Variants in CNOT8 observed in about 807,000 individuals in gnomAD.
CNOT8 encodes CCR4-NOT transcription complex subunit 8.
CNOT8 carries 18 observed loss-of-function variants against 34.6 expected under a neutral mutation model. The observed-to-expected ratio is 0.52, with a 90% CI of 0.36 to 0.77. CNOT8 has a LOEUF of 0.77. Ranked by LOEUF, CNOT8 falls within the 30% of genes least tolerant of loss-of-function variation. CNOT8 has a pLI of 0.00. For synonymous variants in CNOT8, 101 were observed against 118.8 expected, an observed-to-expected ratio of 0.85 and a Z score of 0.98; for missense variants, 189 against 347.9, an observed-to-expected ratio of 0.54 and a Z score of 3.63.
chr5:154,866,268 C>T (rs529048117), intron 3 of CNOT8, among the ~76,000 whole-genome samples: 53 of 152,270 alleles, frequency 3.5e-4, no homozygotes, highest in African/African-American at 1.3e-3. Context: ...CTTATCTGAT[C>T]CTCCCACGTC....
At chr5:154,871,596 T>G in intron 4 of CNOT8, 134 bp from the exon 5 acceptor site, 1 of 624,646 alleles carries the variant, frequency 1.6e-6, no homozygotes, top group Non-Finnish European at 2.7e-6. Context: ...CAGATTATAG[T>G]ACGATAAACT....
At chr5:154,872,497 A>G in intron 5 of CNOT8, 44 bp from the exon 6 acceptor site, 1 of 1,294,084 alleles carries the variant, frequency 7.7e-7, no homozygotes. Flanking sequence ...CAGTAGGGGC[A>G]TGTTGGGTTT....
chr5:154,869,030 G>A (rs1762196074), intron 3 of CNOT8, among the ~76,000 whole-genome samples: 1 of 152,190 alleles, frequency 6.6e-6, no homozygotes, highest in African/African-American at 2.4e-5. Flanking sequence ...CGGTGTCTGA[G>A]TCTGAGGCAA....
intron 3 of CNOT8, among the ~76,000 whole-genome samples, chr5:154,869,137 G>C (rs1303268254): frequency 6.7e-6 from 1 of 148,788 alleles, no homozygotes; most frequent in Admixed American, 6.7e-5. Context: ...TTTTTTTTTT[G>C]AGATAGAGTT....
chr5:154,875,211 C>T, intron 6 of CNOT8, 79 bp from the exon 7 acceptor site: 1 of 1,496,538 alleles, frequency 6.7e-7, no homozygotes, highest in African/African-American at 1.4e-5. Context: ...GCCATTGCAC[C>T]CGGCCAGATG....
chr5:154,874,779 T>C (rs1762793270), intron 6 of CNOT8, among the ~76,000 whole-genome samples: 2 of 151,518 alleles, frequency 1.3e-5, no homozygotes, highest in Non-Finnish European at 2.9e-5. Context: ...GTAATCCACC[T>C]GCCTTGGCGC....
At chr5:154,858,275 A>G (rs1760984311), upstream of CNOT8, 3 of 152,088 alleles carry the variant, frequency 2.0e-5, no homozygotes, top group Admixed American at 1.3e-4. Flanking sequence ...GAGGAGTAAG[A>G]ATCATGATTA....
chr5:154,863,791 T>C (rs1761589146), intron 2 of CNOT8, among the ~76,000 whole-genome samples: 1 of 152,162 alleles, frequency 6.6e-6, no homozygotes, highest in African/African-American at 2.4e-5. Context: ...ATTATTCTGT[T>C]TGAAAGTCTT....
chr5:154,870,430 T>C (rs1762384694), intron 3 of CNOT8: 3 of 365,538 alleles, frequency 8.2e-6, no homozygotes, highest in Non-Finnish European at 1.0e-5. Flanking sequence ...TGTATACCTA[T>C]TATAATTAGG....
At chr5:154,860,762 TC>T (rs1352596744) in intron 1 of CNOT8, among the ~76,000 whole-genome samples, 4 of 152,304 alleles carry the variant, frequency 2.6e-5, no homozygotes, top group Non-Finnish European at 4.4e-5. Flanking sequence ...TCCCCACAGA[TC>T]CTAGCTAACT....
rs1046668607 is a variant in CNOT8, at chr5:154,870,610, T to C, written c.312-51T>C. 6 of 1,463,380 alleles carry C rather than the reference T, an allele frequency of 4.1e-6. No homozygotes were observed. The Admixed American group carries it at 1.1e-4, about 27-fold the overall frequency. The allele number at this position is 1,463,380 out of a possible 1,614,324, so 90.6% of individuals were successfully genotyped here. A position where few individuals can be genotyped will look rare whatever the true frequency, so the allele number is the denominator to read the frequency against. ...AAGGTGGTGGTAATAGTGTGGCCAC[T>C]ACTTCTGTTTCATTATTCACCAGTT... On this transcript the variant is annotated intron_variant, in intron 3 of 6. Transcript: ENST00000285896.
At chr5:154,872,730 T>G (rs1272480723) in intron 6 of CNOT8, 79 bp downstream of exon 6, 1 of 650,118 alleles carries the variant, frequency 1.5e-6, no homozygotes, top group African/African-American at 1.9e-5. Flanking sequence ...TGGTCTGTTA[T>G]GTGGGCTGAG....
intron 3 of CNOT8, among the ~76,000 whole-genome samples, chr5:154,869,994 G>T (rs540068488): frequency 1.1e-4 from 17 of 152,336 alleles, no homozygotes; most frequent in South Asian, 4.1e-4. Flanking sequence ...TGGGCCTCAA[G>T]TGATCTGCCT....
At chr5:154,858,250 A>G (rs930859086), upstream of CNOT8, 1 of 151,772 alleles carries the variant, frequency 6.6e-6, no homozygotes, top group Non-Finnish European at 1.5e-5. Flanking sequence ...TTCGCTCGGA[A>G]AGAGGACCAA....
intron 1 of CNOT8, chr5:154,859,241 GGAT>G (rs1372122352): frequency 1.3e-5 from 2 of 152,276 alleles, no homozygotes; most frequent in Admixed American, 6.5e-5. Context: ...TGAAGTGGAA[GGAT>G]GATGATAAAC....
chr5:154,873,010 C>T (rs1762620351), intron 6 of CNOT8, among the ~76,000 whole-genome samples: 2 of 152,218 alleles, frequency 1.3e-5, no homozygotes, highest in Admixed American at 6.5e-5. Context: ...CTCAGGTGAT[C>T]TGCCTGCCTT....
upstream of CNOT8, chr5:154,858,553 G>C (rs1328286576): frequency 1.3e-5 from 2 of 152,354 alleles, no homozygotes; most frequent in East Asian, 3.9e-4. Flanking sequence ...GGTGGGTAGA[G>C]TGGTGCCGTC....
intron 1 of CNOT8, among the ~76,000 whole-genome samples, chr5:154,861,969 A>T (rs552047467): frequency 2.6e-5 from 4 of 152,360 alleles, no homozygotes; most frequent in African/African-American, 7.2e-5. Flanking sequence ...AAGTGCTGAG[A>T]TTATAGGCGT....
At chr5:154,871,677 C>G (rs1582619270) in intron 4 of CNOT8, 53 bp from the exon 5 acceptor site, 1 of 1,563,934 alleles carries the variant, frequency 6.4e-7, no homozygotes, top group East Asian at 2.3e-5. Context: ...TGGTTGAACA[C>G]TGGGGCCTGA....
Sources: gnomAD v4.1 joint callset for allele counts (sites outside exome capture counted in the v4.1 genomes callset) on GRCh38, gnomAD v4.1.1 for gene constraint, MANE v1.5 for transcripts, NCBI Gene and HGNC (gene_info 2026-07-23, HGNC 2026-07-21) for gene names.